The following FARP2 variants were observed in gnomAD, a reference collection of about 807,000 sequenced individuals.
FARP2 encodes FERM, ARH/RhoGEF and pleckstrin domain protein 2.
FARP2 carries 111 observed loss-of-function variants against 130.5 expected under a neutral mutation model. That is an observed-to-expected ratio of 0.85 (90% CI 0.73 to 1.00). The LOEUF is 1.00. FARP2 is among the 50% of genes least tolerant of loss of function. The pLI, the probability that FARP2 is intolerant of heterozygous loss-of-function variation, is 0.00. For missense variants in FARP2, 1,385 were observed against 1,346.3 expected (o/e 1.03, Z -0.45); for synonymous variants, 504 against 516.9 (o/e 0.98, Z 0.34).
chr2:241,456,824 C>T lies in FARP2; in HGVS notation c.1489C>T (p.Pro497Ser). Residue 497 changes from proline to serine, a missense_variant, in exon 14 of 27, where the codon CCT becomes TCT. Physicochemically the swap from Pro to Ser is moderately conservative, Grantham distance 74. Coordinates refer to ENST00000264042, the MANE Select transcript of FARP2 (RefSeq NM_014808.4). Reference sequence around the variant, plus strand: ...GAGTCTGAGCCCTGCATTTCAGGTGCCTTTGGGCCCAGCTGAACAGGGCTC... The same window carrying T: ...GAGTCTGAGCCCTGCATTTCAGGTGTCTTTGGGCCCAGCTGAACAGGGCTC... ...PLSLSPAFQVPLGPAEQGSSP... is the reference protein window; with the variant it reads ...PLSLSPAFQVSLGPAEQGSSP... 6.2e-7 allele frequency: 1 copy of T among 1,614,078 alleles called. No individual in the cohort carries two copies.
At chr2:241,376,912 T>C (rs780832817) in intron 2 of FARP2, among the ~76,000 whole-genome samples, 5 of 152,236 alleles carry the variant, frequency 3.3e-5, no homozygotes, top group Admixed American at 6.5e-5. Flanking sequence ...GGCTGTATTG[T>C]ATCTACTTCT....
chr2:241,413,670 CGGT>C (rs1463055580), intron 7 of FARP2, among the ~76,000 whole-genome samples: 3 of 152,210 alleles, frequency 2.0e-5, no homozygotes, highest in Non-Finnish European at 1.5e-5. Context: ...AAGCCAGGCA[CGGT>C]GGCTCATGCC....
intron 2 of FARP2, among the ~76,000 whole-genome samples, chr2:241,402,704 T>C: frequency 6.7e-6 from 1 of 150,104 alleles, no homozygotes; most frequent in African/African-American, 2.5e-5. Flanking sequence ...TCTTACTCTG[T>C]CACCCAAGGT....
At chr2:241,441,854 C>T (rs1204102489) in intron 13 of FARP2, 18 of 493,670 alleles carry the variant, frequency 3.6e-5, no homozygotes, top group Non-Finnish European at 6.6e-5. Flanking sequence ...GCTGGAGGCT[C>T]TGAGGCGTTT....
intron 18 of FARP2, among the ~76,000 whole-genome samples, chr2:241,470,861 G>A (rs1031430034): frequency 6.6e-6 from 1 of 151,588 alleles, no homozygotes; most frequent in African/African-American, 2.4e-5. Context: ...CTGTTCTGAA[G>A]AGATGCTGTT....
intron 8 of FARP2, among the ~76,000 whole-genome samples, chr2:241,425,931 T>C (rs2062928659): frequency 6.6e-6 from 1 of 151,338 alleles, no homozygotes; most frequent in African/African-American, 2.4e-5. Context: ...TTGGCGATTT[T>C]TTTTTTAAAT....
intron 1 of FARP2, among the ~76,000 whole-genome samples, chr2:241,370,440 T>G (rs1312056679): frequency 6.6e-6 from 1 of 152,210 alleles, no homozygotes; most frequent in African/African-American, 2.4e-5. Flanking sequence ...ATTTGAAGTT[T>G]GTGAGGTCTT....
intron 2 of FARP2, among the ~76,000 whole-genome samples, chr2:241,378,338 T>C (rs955107675): frequency 1.3e-5 from 2 of 151,556 alleles, no homozygotes; most frequent in African/African-American, 4.9e-5. Context: ...TTTGAACTCC[T>C]GACCTTAAGT....
intron 15 of FARP2, among the ~76,000 whole-genome samples, 160 bp from the exon 16 acceptor site, chr2:241,463,175 G>A (rs1425676369): frequency 6.6e-6 from 1 of 152,150 alleles, no homozygotes; most frequent in East Asian, 1.9e-4. Flanking sequence ...AAACTGGATG[G>A]TCAACAAAGA....
At chr2:241,493,600 T>G (rs962647967) in intron 26 of FARP2, 156 bp downstream of exon 26, 19 of 611,636 alleles carry the variant, frequency 3.1e-5, no homozygotes, top group African/African-American at 1.7e-4. Flanking sequence ...ATGCTTTGTT[T>G]TTTTTTTTTT....
chr2:241,376,524 A>G (rs1253428859), intron 2 of FARP2, among the ~76,000 whole-genome samples: 2 of 59,426 alleles, frequency 3.4e-5, no homozygotes, highest in Non-Finnish European at 7.7e-5. Flanking sequence ...GAGTGGGCAG[A>G]GTCCCCCTCC....
At chr2:241,450,103 G>A (rs867652294) in intron 13 of FARP2, among the ~76,000 whole-genome samples, 2 of 152,236 alleles carry the variant, frequency 1.3e-5, no homozygotes, top group African/African-American at 2.4e-5. Context: ...AGGAATCAGA[G>A]CACTTTGGGA....
chr2:241,467,620 C>T (rs1483665067), intron 17 of FARP2, among the ~76,000 whole-genome samples: 3 of 147,880 alleles, frequency 2.0e-5, no homozygotes, highest in Admixed American at 6.9e-5. Flanking sequence ...CCAGCCTGGG[C>T]GACAGAGCTA....
At chr2:241,390,183 G>A (rs1157906612) in intron 2 of FARP2, among the ~76,000 whole-genome samples, 1 of 152,208 alleles carries the variant, frequency 6.6e-6, no homozygotes, top group East Asian at 1.9e-4. Flanking sequence ...CCCTTGCTCT[G>A]TCCCTATTGC....
intron 5 of FARP2, among the ~76,000 whole-genome samples, chr2:241,407,984 G>A (rs1160236960): frequency 6.6e-6 from 1 of 152,188 alleles, no homozygotes; most frequent in Admixed American, 6.5e-5. Flanking sequence ...AGTACCCAGT[G>A]TGTTAGTTCT....
intron 7 of FARP2, among the ~76,000 whole-genome samples, chr2:241,413,742 A>C (rs1197952255): frequency 6.6e-6 from 1 of 152,182 alleles, no homozygotes; most frequent in Non-Finnish European, 1.5e-5. Context: ...CAGGAGTTTG[A>C]GACCAGCCTG....
intron 2 of FARP2, among the ~76,000 whole-genome samples, chr2:241,394,171 G>A (rs74000648): frequency 0.021 from 3,269 of 152,244 alleles, 110 homozygotes; most frequent in African/African-American, 0.068. Flanking sequence ...GTGAATTTCT[G>A]TATTTTTAGG....
chr2:241,371,360 T>C (rs1410620288), intron 1 of FARP2, among the ~76,000 whole-genome samples: 1 of 152,154 alleles, frequency 6.6e-6, no homozygotes, highest in African/African-American at 2.4e-5. Flanking sequence ...GGCGCATGCC[T>C]GTGGTCCCAG....
At chr2:241,456,252 A>G (rs578187804) in intron 13 of FARP2, among the ~76,000 whole-genome samples, 6 of 152,310 alleles carry the variant, frequency 3.9e-5, no homozygotes, top group African/African-American at 1.4e-4. Context: ...GCAGTTTTAT[A>G]TGATCCGTTT....
Sources: gnomAD v4.1 joint callset for allele counts (sites outside exome capture counted in the v4.1 genomes callset) on GRCh38, gnomAD v4.1.1 for gene constraint, MANE v1.5 for transcripts, NCBI Gene and HGNC (gene_info 2026-07-23, HGNC 2026-07-21) for gene names.